Variants in LUZP2 observed in about 807,000 individuals in gnomAD.
LUZP2 encodes the protein leucine zipper protein 2.
LUZP2 carries 52 observed loss-of-function variants against 51.6 expected under a neutral mutation model. The ratio of observed to expected loss-of-function variants is 1.01; its 90% CI spans 0.81 to 1.27. The LOEUF is 1.27. LUZP2 is among the 50% of genes most tolerant of loss of function. The probability of loss-of-function intolerance (pLI) is 0.00; values close to 1 mark genes in which losing one functional copy is unlikely to be tolerated. For missense variants in LUZP2, 436 were observed against 395.4 expected (o/e 1.10, Z -0.87); for synonymous variants, 154 against 137.3 (o/e 1.12, Z -0.85).
intron 4 of LUZP2, among the ~76,000 whole-genome samples, chr11:24,747,968 C>G (rs2134002709): frequency 6.6e-6 from 1 of 152,214 alleles, no homozygotes; most frequent in African/African-American, 2.4e-5. Flanking sequence ...AAGAACTTAC[C>G]CCAGGCTACC....
At chr11:24,620,466 T>C (rs966594300) in intron 1 of LUZP2, among the ~76,000 whole-genome samples, 4 of 152,200 alleles carry the variant, frequency 2.6e-5, no homozygotes, top group African/African-American at 7.2e-5. Context: ...TCAGTGGTAA[T>C]ATTTGCACCT....
intron 1 of LUZP2, among the ~76,000 whole-genome samples, chr11:24,683,219 A>G (rs192240260): frequency 1.3e-5 from 2 of 152,310 alleles, no homozygotes; most frequent in African/African-American, 4.8e-5. Flanking sequence ...GCTTCATTTC[A>G]CTACATTTTT....
At chr11:24,834,319 C>T (rs77809088) in intron 5 of LUZP2, among the ~76,000 whole-genome samples, 1 of 152,154 alleles carries the variant, frequency 6.6e-6, no homozygotes, top group African/African-American at 2.4e-5. Flanking sequence ...TTTTTCAATT[C>T]CCACTTGTGA....
At chr11:24,915,714 G>A (rs1048708977) in intron 7 of LUZP2, among the ~76,000 whole-genome samples, 9 of 151,952 alleles carry the variant, frequency 5.9e-5, no homozygotes, top group Non-Finnish European at 1.0e-4. Flanking sequence ...TAGATAGGTA[G>A]ATAGATAGAT....
At chr11:24,978,017 A>T (rs1490663523) in intron 8 of LUZP2, among the ~76,000 whole-genome samples, 1 of 151,626 alleles carries the variant, frequency 6.6e-6, no homozygotes, top group Non-Finnish European at 1.5e-5. Flanking sequence ...CTTATTTTGC[A>T]ATAATTCATT....
At chr11:24,773,645 G>A (rs1451150824) in intron 5 of LUZP2, among the ~76,000 whole-genome samples, 2 of 152,124 alleles carry the variant, frequency 1.3e-5, no homozygotes, top group Non-Finnish European at 2.9e-5. Context: ...ATTATTCATG[G>A]CTTGGGAGGT....
At chr11:24,582,563 T>C (rs1437878044) in intron 1 of LUZP2, among the ~76,000 whole-genome samples, 1 of 152,112 alleles carries the variant, frequency 6.6e-6, no homozygotes, top group African/African-American at 2.4e-5. Flanking sequence ...TTTAAGAATA[T>C]ATCTCAAGTT....
intron 4 of LUZP2, among the ~76,000 whole-genome samples, chr11:24,752,763 G>A (rs2631416): frequency 0.77 from 116,559 of 151,882 alleles, 44,872 homozygotes; most frequent in East Asian, 0.89. Context: ...TTCCTATAAT[G>A]GAAAGGAAAA....
intron 1 of LUZP2, among the ~76,000 whole-genome samples, chr11:24,605,331 A>T (rs1022538850): frequency 6.6e-6 from 1 of 151,798 alleles, no homozygotes; most frequent in South Asian, 2.1e-4. Flanking sequence ...AAAGAATGAT[A>T]AAAAATTCTG....
At chr11:25,057,841 T>A (rs528120651) in intron 10 of LUZP2, among the ~76,000 whole-genome samples, 2 of 152,050 alleles carry the variant, frequency 1.3e-5, no homozygotes, top group South Asian at 4.1e-4. Context: ...CCTAGGGAAA[T>A]GAGAAGAGAA....
At chr11:24,852,288 A>C (rs2134225247) in intron 5 of LUZP2, among the ~76,000 whole-genome samples, 1 of 152,236 alleles carries the variant, frequency 6.6e-6, no homozygotes, top group South Asian at 2.1e-4. Flanking sequence ...TGTGTCCCAG[A>C]GATTCTGGTA....
intron 7 of LUZP2, among the ~76,000 whole-genome samples, chr11:24,964,286 G>C (rs992554710): frequency 6.6e-6 from 1 of 152,142 alleles, no homozygotes; most frequent in South Asian, 2.1e-4. Context: ...CATAATGGTG[G>C]TGATTGTTTT....
intron 4 of LUZP2, among the ~76,000 whole-genome samples, chr11:24,759,698 A>C (rs1859912344): frequency 6.6e-6 from 1 of 152,296 alleles, no homozygotes; most frequent in African/African-American, 2.4e-5. Context: ...GTACAAAGCA[A>C]AATTTTCTGG....
At chr11:24,946,383 T>C (rs1196480529) in intron 7 of LUZP2, among the ~76,000 whole-genome samples, 1 of 151,992 alleles carries the variant, frequency 6.6e-6, no homozygotes, top group African/African-American at 2.4e-5. Context: ...TCTTTTTGTT[T>C]CTGATATGTC....
At chr11:24,791,245 GCTAT>G (rs1849399554) in intron 5 of LUZP2, among the ~76,000 whole-genome samples, 2 of 152,080 alleles carry the variant, frequency 1.3e-5, no homozygotes, top group African/African-American at 4.8e-5. Context: ...GATTTTATGT[GCTAT>G]CTACCATTTT....
intron 5 of LUZP2, among the ~76,000 whole-genome samples, chr11:24,849,013 T>C (rs1264361347): frequency 2.0e-5 from 3 of 152,120 alleles, no homozygotes; most frequent in Non-Finnish European, 4.4e-5. Context: ...GCCATCTCTC[T>C]ACAAACATGA....
chr11:24,870,480 CACACACACAG>C (rs1407967661), intron 5 of LUZP2, among the ~76,000 whole-genome samples: 11 of 29,914 alleles, frequency 3.7e-4, no homozygotes, highest in African/African-American at 6.9e-4. Flanking sequence ...TACACACACA[CACACACACAG>C]ACACACACAC....
At chr11:24,925,393 G>A (rs1031755939) in intron 7 of LUZP2, among the ~76,000 whole-genome samples, 1 of 152,072 alleles carries the variant, frequency 6.6e-6, no homozygotes, top group Admixed American at 6.5e-5. Flanking sequence ...TTTATTTTTG[G>A]CTCCTATACT....
chr11:24,682,932 A>G (rs930490241), intron 1 of LUZP2, among the ~76,000 whole-genome samples: 2 of 152,074 alleles, frequency 1.3e-5, no homozygotes, highest in Non-Finnish European at 2.9e-5. Flanking sequence ...TGAACTCAGG[A>G]GGCAGAGGTT....
Sources: allele counts gnomAD v4.1 joint callset (sites outside exome capture counted in the v4.1 genomes callset), GRCh38; gene constraint gnomAD v4.1.1; transcripts MANE v1.5; gene names NCBI Gene and HGNC (gene_info 2026-07-23, HGNC 2026-07-21).